Variants in CEP120 observed in about 807,000 individuals in gnomAD.
CEP120 encodes centrosomal protein of 120 kDa.
CEP120 carries 113 observed loss-of-function variants against 126.5 expected under a neutral mutation model. That is an observed-to-expected ratio of 0.89 (90% CI 0.77 to 1.04). The LOEUF (loss-of-function observed/expected upper bound fraction) is 1.04, where lower values mean the gene tolerates loss of function less well. Among genes scored for constraint, CEP120 ranks in the 50% least tolerant of loss-of-function variants. The pLI is 0.00. For missense variants in CEP120, 1,230 were observed against 1,155.7 expected, an observed-to-expected ratio of 1.06 and a Z score of -0.93; for synonymous variants, 400 against 394.3, an observed-to-expected ratio of 1.01 and a Z score of -0.17.
chr5:123,348,321 T>A (rs1353187284), intron 19 of CEP120, among the ~76,000 whole-genome samples: 1 of 152,206 alleles, frequency 6.6e-6, no homozygotes, highest in African/African-American at 2.4e-5. Flanking sequence ...TGGATATCTT[T>A]AACCCACCAA....
In CEP120 at chr5:123,391,190, T is replaced by G. The variant is rs1338103527; in HGVS notation, c.958A>C (p.Lys320Gln). 3 of 1,614,138 alleles carry G rather than the reference T, an allele frequency of 1.9e-6. No individual in the cohort carries two copies. The highest frequency in any genetic ancestry group is 2.5e-6 in the Non-Finnish European group (3 of 1,180,030). The change falls in exon 7 of 20, where the codon AAG becomes CAG. Residue 320 changes from lysine (K) to glutamine (Q), a missense_variant. By Grantham distance (53) the Lys-to-Gln change is moderately conservative. Transcript: ENST00000306467. ...TLDPPNRAKQ[K>Q]LAPIPVELAP... Reference sequence around the variant, plus strand: ...AGCTCCACAGGAATAGGTGCAAGCTTCTGTTTGGCTCTGTTTGGAGGGTCA... The same window carrying G: ...AGCTCCACAGGAATAGGTGCAAGCTGCTGTTTGGCTCTGTTTGGAGGGTCA...
At chr5:123,382,617 G>C in intron 13 of CEP120, 120 bp downstream of exon 13, 2 of 884,192 alleles carry the variant, frequency 2.3e-6, no homozygotes, top group Non-Finnish European at 3.2e-6. Flanking sequence ...AAGCATTGTT[G>C]ACATTCAAAG....
At chr5:123,395,991 T>TC (rs1772765949) in intron 5 of CEP120, among the ~76,000 whole-genome samples, 1 of 78,572 alleles carries the variant, frequency 1.3e-5, no homozygotes, top group African/African-American at 5.8e-5. Context: ...CTCCATTCCT[T>TC]TTTTTTTTTT....
intron 17 of CEP120, among the ~76,000 whole-genome samples, chr5:123,365,400 G>A (rs1770385483): frequency 6.6e-6 from 1 of 151,684 alleles, no homozygotes; most frequent in African/African-American, 2.4e-5. Context: ...TTACTATTAA[G>A]TGATAATGTA....
In CEP120 at chr5:123,407,217, G is replaced by C. The variant is rs1246529263; in HGVS notation, c.463+5182C>G. ...AGACAAAAACAGGAATAAGAAACAA[G>C]AGAAACAAATATAAAACACTAATAA... is the stretch of plus-strand genomic sequence containing the variant. On this transcript the variant is annotated intron_variant, in intron 4 of 19. Coordinates refer to ENST00000306467, the MANE Select transcript of CEP120 (RefSeq NM_001375405.1). Among the ~76,000 whole-genome samples the C allele has an allele frequency of 2.0e-5, 3 of 151,106 alleles. No individual in the cohort carries two copies. In the East Asian group the frequency reaches 5.8e-4, roughly 29 times the overall value.
At chr5:123,403,928 G>T (rs918461615) in intron 4 of CEP120, among the ~76,000 whole-genome samples, 3 of 152,130 alleles carry the variant, frequency 2.0e-5, no homozygotes, top group Non-Finnish European at 4.4e-5. Context: ...TCCTATAAAG[G>T]AAATTATTGG....
intron 1 of CEP120, among the ~76,000 whole-genome samples, 197 bp downstream of exon 1, chr5:123,422,753 T>C (rs1354053045): frequency 6.6e-6 from 1 of 152,250 alleles, no homozygotes; most frequent in African/African-American, 2.4e-5. Flanking sequence ...CACTTATCCC[T>C]AATAGCGCTC....
chr5:123,393,626 A>G (rs1772553272), intron 5 of CEP120, 129 bp from the exon 6 acceptor site: 1 of 697,482 alleles, frequency 1.4e-6, no homozygotes, highest in African/African-American at 1.8e-5. Flanking sequence ...GCTCAAATAA[A>G]ATTTCTGAAT....
At chr5:123,366,634 T>C (rs1037826902) in intron 17 of CEP120, among the ~76,000 whole-genome samples, 1 of 151,898 alleles carries the variant, frequency 6.6e-6, no homozygotes, top group Admixed American at 6.6e-5. Context: ...TATTCCTTTA[T>C]ATTCCTACCA....
intron 17 of CEP120, among the ~76,000 whole-genome samples, chr5:123,365,740 G>A (rs190228969): frequency 6.6e-6 from 1 of 151,350 alleles, no homozygotes; most frequent in East Asian, 1.9e-4. Flanking sequence ...CTACTACTTG[G>A]TAATTTAACA....
intron 3 of CEP120, among the ~76,000 whole-genome samples, chr5:123,415,755 C>T (rs961425029): frequency 6.6e-6 from 1 of 152,088 alleles, no homozygotes; most frequent in Non-Finnish European, 1.5e-5. Flanking sequence ...CCTGTAATCC[C>T]AGCTACTCAG....
Position 123,398,187 on chromosome 5 carries a change from A to G in CEP120, c.612+949T>C, listed in dbSNP as rs181038698. Among the ~76,000 whole-genome samples, 169 of 152,300 alleles carry G rather than the reference A, an allele frequency of 1.1e-3. 1 individual carries two copies. The highest frequency in any genetic ancestry group is 3.9e-3 in the African/African-American group (164 of 41,562). Reference sequence around the variant, plus strand: ...TAATTCATTTCAGCTACTACAGAACAACATAATGTCAAGAAAAGTAGATCT... The same window carrying G: ...TAATTCATTTCAGCTACTACAGAACGACATAATGTCAAGAAAAGTAGATCT... On this transcript the variant is annotated intron_variant, in intron 5 of 19. Transcript: ENST00000306467.
At chr5:123,420,826 A>C (rs1480545024) in intron 1 of CEP120, among the ~76,000 whole-genome samples, 1 of 152,250 alleles carries the variant, frequency 6.6e-6, no homozygotes, top group Non-Finnish European at 1.5e-5. Context: ...TGTAGAATCT[A>C]TTATTATTCA....
chr5:123,395,343 T>C (rs1000928911), intron 5 of CEP120, among the ~76,000 whole-genome samples: 12 of 152,326 alleles, frequency 7.9e-5, no homozygotes, highest in African/African-American at 2.6e-4. Flanking sequence ...TATAGTAACA[T>C]GTGCTAAGTC....
At chr5:123,370,975 A>C (rs1770812976) in intron 17 of CEP120, among the ~76,000 whole-genome samples, 1 of 151,780 alleles carries the variant, frequency 6.6e-6, no homozygotes, top group Non-Finnish European at 1.5e-5. Flanking sequence ...CAAATCTTAC[A>C]AACTTGGGAG....
intron 14 of CEP120, 74 bp downstream of exon 14, chr5:123,382,037 T>C: frequency 2.9e-6 from 3 of 1,028,994 alleles, no homozygotes; most frequent in Non-Finnish European, 2.9e-6. Context: ...TTCCAGAGAC[T>C]GTCTTTAACG....
intron 17 of CEP120, among the ~76,000 whole-genome samples, chr5:123,368,131 C>CA (rs1290409761): frequency 1.8e-4 from 28 of 151,908 alleles, no homozygotes; most frequent in Non-Finnish European, 3.7e-4. Context: ...TTAATGATTT[C>CA]TATCCTTCTG....
chr5:123,355,299 C>T (rs1769510275), intron 18 of CEP120, among the ~76,000 whole-genome samples: 1 of 152,054 alleles, frequency 6.6e-6, no homozygotes, highest in East Asian at 1.9e-4. Flanking sequence ...GGGTATATAC[C>T]CAGTAAGGGG....
intron 11 of CEP120, 75 bp from the exon 12 acceptor site, chr5:123,383,157 CT>C: frequency 1.1e-6 from 1 of 888,310 alleles, no homozygotes. Flanking sequence ...TTCCCCAGTG[CT>C]TTAGCAATGG....
Sources: gnomAD v4.1 joint callset for allele counts (sites outside exome capture counted in the v4.1 genomes callset) on GRCh38, gnomAD v4.1.1 for gene constraint, MANE v1.5 for transcripts, NCBI Gene and HGNC (gene_info 2026-07-23, HGNC 2026-07-21) for gene names.